The following PLEKHG4B variants were observed in gnomAD, a reference collection of about 807,000 sequenced individuals.
PLEKHG4B encodes the protein pleckstrin homology and RhoGEF domain containing G4B, also known as pleckstrin homology domain-containing family G member 4B.
PLEKHG4B carries 111 observed loss-of-function variants against 121.3 expected under a neutral mutation model. The ratio of observed to expected loss-of-function variants is 0.92; its 90% CI spans 0.78 to 1.07. PLEKHG4B has a LOEUF of 1.07. PLEKHG4B is among the 50% of genes least tolerant of loss of function. The pLI, the probability that PLEKHG4B is intolerant of heterozygous loss-of-function variation, is 0.00. For synonymous variants in PLEKHG4B, 738 were observed against 725.0 expected (o/e 1.02, Z -0.29); for missense variants, 1,831 against 1,757.8 (o/e 1.04, Z -0.74).
chr5:144,646 G>A (rs564601952), intron 5 of PLEKHG4B, among the ~76,000 whole-genome samples, 181 bp from the exon 6 acceptor site: 5 of 152,288 alleles, frequency 3.3e-5, no homozygotes, highest in South Asian at 4.2e-4. Context: ...GAGGAACAAC[G>A]TCAGTGCCTC....
At chr5:160,014 C>G (rs1735939089) in intron 11 of PLEKHG4B, among the ~76,000 whole-genome samples, 1 of 152,204 alleles carries the variant, frequency 6.6e-6, no homozygotes, top group South Asian at 2.1e-4. Context: ...ACACGTCTCA[C>G]TCTGCAGTCT....
chr5:164,039 C>T (rs1736148613), intron 13 of PLEKHG4B, among the ~76,000 whole-genome samples: 1 of 152,246 alleles, frequency 6.6e-6, no homozygotes, highest in South Asian at 2.1e-4. Context: ...GCACTCGGCC[C>T]CTGCCTAGGC....
At chr5:164,657 G>A (rs188308343) in intron 13 of PLEKHG4B, among the ~76,000 whole-genome samples, 23,647 of 118,836 alleles carry the variant, frequency 0.2, 6,455 homozygotes, top group Non-Finnish European at 0.29. Context: ...TCTGACGGGC[G>A]GAGCTCACAC....
chr5:176,988 C>T (rs1249535515), intron 18 of PLEKHG4B, among the ~76,000 whole-genome samples: 2 of 152,214 alleles, frequency 1.3e-5, no homozygotes, highest in Non-Finnish European at 2.9e-5. Flanking sequence ...CACCCCCTCC[C>T]CATTGCGTCA....
In PLEKHG4B at chr5:163,175, G is replaced by C; in HGVS notation, c.3103G>C (p.Asp1035His). The C allele has an allele frequency of 6.4e-7, 1 of 1,572,866 alleles. No individual in the cohort carries two copies. Among genetic ancestry groups the C allele is most frequent in the Non-Finnish European group, 8.6e-7 (1 of 1,160,574 alleles). Residue 1035 changes from aspartate (D) to histidine (H), a missense_variant, in exon 13 of 20, where the codon GAC becomes CAC. Physicochemically the swap from Asp to His is moderately conservative, Grantham distance 81 (BLOSUM62 -1). Coordinates refer to ENST00000637938, the MANE Select transcript of PLEKHG4B (RefSeq NM_052909.5). ...TLRPGLCALW[D>H]PLSLLRGLPG... ...GCGCCCAGGGCTGTGTGCTCTGTGG[G>C]ACCCACTGTCCCTCCTCAGGGGCCT...
In PLEKHG4B at chr5:92,194, C is replaced by G. The variant is rs1480212272; in HGVS notation, c.-38C>G. The stretch of plus-strand genomic sequence containing the variant: ...GTGCACAGCGGGACCAGGCAGAGTT[C>G]GGGGAAAGCGTCGGAGTTCGGGAGA... On this transcript the variant is annotated 5_prime_UTR_variant, in exon 1 of 20. Coordinates refer to ENST00000637938, the MANE Select transcript of PLEKHG4B (RefSeq NM_052909.5). 2.7e-6 allele frequency: 1 copy of G among 364,758 alleles called. No individual in the cohort carries two copies. Among genetic ancestry groups the G allele is most frequent in the African/African-American group, 2.2e-5 (1 of 45,984 alleles). The allele number at this position is 364,758 out of a possible 1,614,324, so 22.6% of individuals were successfully genotyped here. A position where few individuals can be genotyped will look rare whatever the true frequency, so the allele number is the denominator to read the frequency against.
In PLEKHG4B at chr5:187,162, C is replaced by G. The variant is rs945416404; in HGVS notation, c.*4839C>G. 6.6e-5 allele frequency: 10 copies of G among 152,482 alleles called. No homozygotes were observed. The highest frequency in any genetic ancestry group is 1.9e-4 in the African/African-American group (8 of 41,556). 9.4% of individuals were successfully genotyped at this position (152,482 alleles called of 1,614,324 possible). A position where few individuals can be genotyped will look rare whatever the true frequency, so the allele number is the denominator to read the frequency against. ...CCAGTGCCCAGCAAGAGTGTTTTTACATTCAGAGGTGAGGAAGGGGTGCCG... is the reference window on the plus strand; with the variant it reads ...CCAGTGCCCAGCAAGAGTGTTTTTAGATTCAGAGGTGAGGAAGGGGTGCCG... On this transcript the variant is annotated 3_prime_UTR_variant, in exon 20 of 20. Transcript: ENST00000637938.
At chr5:107,843 A>G (rs1209926550) in intron 1 of PLEKHG4B, among the ~76,000 whole-genome samples, 1 of 152,144 alleles carries the variant, frequency 6.6e-6, no homozygotes, top group East Asian at 1.9e-4. Flanking sequence ...CTAGCTCCCA[A>G]TGCAGTGATC....
In PLEKHG4B at chr5:135,680, AAAATATATATATATATATATAT is replaced by A. The variant is rs1311522580; in HGVS notation, c.244-3801_244-3780del. ...GACTCCATCTCAAAAAAAAAAAAAA[AAAATATATATATATATATATAT>A]ATATATATATATATATATATATATA... On this transcript the variant is annotated intron_variant, in intron 2 of 19. Transcript: ENST00000637938. 6.2e-4 allele frequency among the ~76,000 whole-genome samples: 22 copies of A among 35,284 alleles called. 1 individual carries two copies. The highest frequency in any genetic ancestry group is 1.9e-3 in the East Asian group (3 of 1,570). The allele number at this position is 35,284 out of a possible 152,430, so 23.1% of individuals were successfully genotyped here. A position where few individuals can be genotyped will look rare whatever the true frequency, so the allele number is the denominator to read the frequency against.
intron 18 of PLEKHG4B, 110 bp from the exon 19 acceptor site, chr5:181,404 C>T: frequency 8.4e-7 from 1 of 1,184,562 alleles, no homozygotes; most frequent in Admixed American, 2.2e-5. Context: ...GTGGGTATAC[C>T]CTGTACACCC....
chr5:155,317 T>C (rs780966833), intron 8 of PLEKHG4B, 28 bp from the exon 9 acceptor site: 5 of 1,579,558 alleles, frequency 3.2e-6, no homozygotes, highest in South Asian at 1.1e-5. Context: ...TGTGTTCTTA[T>C]AATCTCCTCC....
intron 2 of PLEKHG4B, among the ~76,000 whole-genome samples, chr5:119,280 C>T (rs888344455): frequency 6.6e-6 from 1 of 152,084 alleles, no homozygotes; most frequent in African/African-American, 2.4e-5. Context: ...AACAAGAAAC[C>T]CTTACATTTG....
intron 2 of PLEKHG4B, among the ~76,000 whole-genome samples, chr5:116,597 G>A (rs1734314559): frequency 6.6e-6 from 1 of 152,228 alleles, no homozygotes; most frequent in Non-Finnish European, 1.5e-5. Context: ...TGTTCTTGAG[G>A]CCGGGGTAAA....
At chr5:162,047 G>C in intron 12 of PLEKHG4B, 103 bp downstream of exon 12, 2 of 1,413,384 alleles carry the variant, frequency 1.4e-6, no homozygotes, top group South Asian at 1.4e-5. Flanking sequence ...CAGGCTGTGG[G>C]ACAGAGGCCG....
chr5:153,494 A>AT (rs1296219117), intron 7 of PLEKHG4B, among the ~76,000 whole-genome samples: 1 of 152,034 alleles, frequency 6.6e-6, no homozygotes, highest in Non-Finnish European at 1.5e-5. Context: ...GTCTTCCCCC[A>AT]TGTATGCACG....
chr5:104,671 A>G (rs1455579430), intron 1 of PLEKHG4B, among the ~76,000 whole-genome samples: 1 of 152,222 alleles, frequency 6.6e-6, no homozygotes, highest in Non-Finnish European at 1.5e-5. Flanking sequence ...TTTTCTGGTG[A>G]ACAAGGCCCC....
chr5:175,203 T>A (rs1736719773), intron 18 of PLEKHG4B, among the ~76,000 whole-genome samples: 1 of 151,902 alleles, frequency 6.6e-6, no homozygotes, highest in African/African-American at 2.4e-5. Flanking sequence ...GAGGCTGAGC[T>A]CATGGTCAGC....
In PLEKHG4B at chr5:113,015, C is replaced by T. The variant is rs1734202524; in HGVS notation, c.46-236C>T. ...GAGCCCCTGCCCCAGGACAGGGCCA[C>T]GGGTCTGCCTAATGCACCTGCCCCT... On this transcript the variant is annotated intron_variant, in intron 1 of 19. Transcript: ENST00000637938. The surrounding 1 kb of genome is among the most constrained non-coding windows in gnomAD (Gnocchi z 5.2). 6.6e-6 allele frequency among the ~76,000 whole-genome samples: 1 copy of T among 152,122 alleles called. No homozygotes were observed. Among genetic ancestry groups the T allele is most frequent in the Non-Finnish European group, 1.5e-5 (1 of 68,016 alleles).
intron 13 of PLEKHG4B, 67 bp downstream of exon 13, chr5:163,615 A>G: frequency 7.6e-7 from 1 of 1,322,978 alleles, no homozygotes; most frequent in Non-Finnish European, 1.0e-6. Context: ...AAAGCCATTT[A>G]GGCAGTAAAC....
Sources: allele counts gnomAD v4.1 joint callset (sites outside exome capture counted in the v4.1 genomes callset), GRCh38; gene constraint gnomAD v4.1.1; non-coding constraint Gnocchi (gnomAD v3.1); transcripts MANE v1.5; gene names NCBI Gene and HGNC (gene_info 2026-07-23, HGNC 2026-07-21).